CFAP299: variants seen among roughly 807,000 people sequenced by gnomAD.
CFAP299 encodes cilia and flagella associated protein 299.
Under a neutral mutation model 27.0 loss-of-function variants are expected in CFAP299, and 21 were observed. That is an observed-to-expected ratio of 0.78 (90% confidence interval 0.55 to 1.12). The LOEUF is 1.12. CFAP299 is among the 50% of genes most tolerant of loss of function. CFAP299 has a pLI of 0.00. For synonymous variants in CFAP299, 104 were observed against 98.1 expected, an observed-to-expected ratio of 1.06 and a Z score of -0.36; for missense variants, 310 against 276.6, an observed-to-expected ratio of 1.12 and a Z score of -0.86.
chr4:80,567,015 T>TA (rs199558331), intron 2 of CFAP299, among the ~76,000 whole-genome samples: 2,042 of 146,088 alleles, frequency 0.014, 55 homozygotes, highest in East Asian at 0.13. Flanking sequence ...CTCCTTAAAA[T>TA]AAAAAAAAAA....
intron 3 of CFAP299, among the ~76,000 whole-genome samples, chr4:80,695,231 G>A (rs563243747): frequency 2.6e-5 from 4 of 152,128 alleles, no homozygotes; most frequent in Admixed American, 1.3e-4. Context: ...GACTATTTTG[G>A]ATACTTCTAG....
At chr4:80,641,763 C>T (rs566749148) in intron 3 of CFAP299, among the ~76,000 whole-genome samples, 1 of 152,110 alleles carries the variant, frequency 6.6e-6, no homozygotes, top group Admixed American at 6.6e-5. Context: ...ATTATTTGGC[C>T]ACAAAGTGGG....
At chr4:80,703,333 A>C (rs566402304) in intron 3 of CFAP299, among the ~76,000 whole-genome samples, 6 of 151,868 alleles carry the variant, frequency 4.0e-5, no homozygotes, top group South Asian at 2.1e-4. Context: ...ATGTGCTAAT[A>C]TGGTCCCTAG....
At chr4:80,886,607 A>T (rs1161422894) in intron 4 of CFAP299, among the ~76,000 whole-genome samples, 4 of 152,202 alleles carry the variant, frequency 2.6e-5, no homozygotes, top group Non-Finnish European at 5.9e-5. Context: ...CCCAAAGAGG[A>T]CAAGCACAAA....
At chr4:80,862,319 A>G (rs2131474) in intron 3 of CFAP299, among the ~76,000 whole-genome samples, 22,598 of 152,022 alleles carry the variant, frequency 0.15, 2,009 homozygotes, top group Middle Eastern at 0.28. Flanking sequence ...GCAGTAAGCC[A>G]AAATCGTGCC....
intron 3 of CFAP299, among the ~76,000 whole-genome samples, chr4:80,747,215 A>G (rs1317767296): frequency 6.6e-6 from 1 of 152,074 alleles, no homozygotes; most frequent in African/African-American, 2.4e-5. Context: ...TACATAAACC[A>G]GTGGCATAGT....
chr4:80,339,257 T>C (rs1722318332), intron 1 of CFAP299, among the ~76,000 whole-genome samples: 1 of 152,238 alleles, frequency 6.6e-6, no homozygotes, highest in South Asian at 2.1e-4. Context: ...AACCCAAGGA[T>C]GCTTCACGAT....
chr4:80,856,610 C>G (rs1222750573), intron 3 of CFAP299, among the ~76,000 whole-genome samples: 3 of 152,104 alleles, frequency 2.0e-5, no homozygotes, highest in South Asian at 4.1e-4. Flanking sequence ...CGAGTTTCAG[C>G]TTTCTACATA....
At chr4:80,516,017 CTTTTTT>C (rs34249511) in intron 2 of CFAP299, among the ~76,000 whole-genome samples, 1 of 119,538 alleles carries the variant, frequency 8.4e-6, no homozygotes, top group Non-Finnish European at 1.7e-5. Context: ...TTCTGCATTT[CTTTTTT>C]TTTTTTTTTT....
chr4:80,777,752 A>C (rs1578114562), intron 3 of CFAP299, among the ~76,000 whole-genome samples: 1 of 152,104 alleles, frequency 6.6e-6, no homozygotes, highest in South Asian at 2.1e-4. Flanking sequence ...TATTTTGGAT[A>C]TTTTTAAAGG....
intron 4 of CFAP299, among the ~76,000 whole-genome samples, chr4:80,915,460 G>A (rs986071201): frequency 6.6e-6 from 1 of 151,672 alleles, no homozygotes; most frequent in African/African-American, 2.4e-5. Context: ...TTGATGTACT[G>A]GTTCCTTGGT....
intron 3 of CFAP299, among the ~76,000 whole-genome samples, chr4:80,647,183 T>G (rs1205328857): frequency 6.6e-6 from 1 of 152,176 alleles, no homozygotes; most frequent in African/African-American, 2.4e-5. Context: ...AATGAATCTT[T>G]TTATCATTAT....
rs191900459 is a variant in CFAP299 at position 80,922,243 on chromosome 4, T to C, written c.477-22567T>C. ...GGAGTGGTGACTCTGTTCACTGTTT[T>C]TGAGAAATTGCTATTAATATTATTA... On this transcript the variant is annotated intron_variant, in intron 4 of 5. Transcript: ENST00000358105. 3.5e-4 allele frequency among the ~76,000 whole-genome samples: 53 copies of C among 152,204 alleles called. 1 individual carries two copies. The East Asian group carries it at 6.8e-3, about 19-fold the overall frequency.
intron 2 of CFAP299, among the ~76,000 whole-genome samples, chr4:80,504,505 A>ATATATTTTTT (rs1483255216): frequency 9.1e-6 from 1 of 110,182 alleles, no homozygotes; most frequent in Non-Finnish European, 1.9e-5. Context: ...ATATATATAT[A>ATATATTTTTT]TTTTCCTTTG....
intron 2 of CFAP299, among the ~76,000 whole-genome samples, chr4:80,562,657 CAATAAT>C (rs144281838): frequency 0.034 from 4,819 of 140,794 alleles, 215 homozygotes; most frequent in African/African-American, 0.1. Context: ...GACTCAATTT[CAATAAT>C]AATAATAATA....
At chr4:80,413,471 C>T (rs1257048809) in intron 2 of CFAP299, among the ~76,000 whole-genome samples, 1 of 152,110 alleles carries the variant, frequency 6.6e-6, no homozygotes, top group African/African-American at 2.4e-5. Context: ...TAATGAAGCC[C>T]TATTGGTACC....
intron 2 of CFAP299, among the ~76,000 whole-genome samples, chr4:80,379,418 A>C (rs1724584491): frequency 6.6e-6 from 1 of 151,354 alleles, no homozygotes; most frequent in Non-Finnish European, 1.5e-5. Flanking sequence ...TCTTATTTTT[A>C]TTATTTCTTC....
chr4:80,864,178 A>G (rs914283135), intron 3 of CFAP299, among the ~76,000 whole-genome samples: 1 of 151,972 alleles, frequency 6.6e-6, no homozygotes. Flanking sequence ...ACTTAAATAA[A>G]GCTTTTATTT....
intron 4 of CFAP299, among the ~76,000 whole-genome samples, chr4:80,897,068 C>A (rs1453227252): frequency 1.3e-5 from 2 of 152,056 alleles, no homozygotes; most frequent in African/African-American, 4.8e-5. Flanking sequence ...ATGAAAAAGG[C>A]ATGGCAAATT....
Sources: gnomAD v4.1 joint callset for allele counts (sites outside exome capture counted in the v4.1 genomes callset) on GRCh38, gnomAD v4.1.1 for gene constraint, MANE v1.5 for transcripts, NCBI Gene and HGNC (gene_info 2026-07-23, HGNC 2026-07-21) for gene names.